EGFLAM: variants seen among roughly 807,000 people sequenced by gnomAD.
EGFLAM encodes EGF like, fibronectin type III and laminin G domains.
EGFLAM carries 79 observed loss-of-function variants against 113.1 expected under a neutral mutation model. The observed-to-expected ratio is 0.70, with a 90% CI of 0.58 to 0.84. EGFLAM has a LOEUF of 0.84. Among genes scored for constraint, EGFLAM ranks in the 40% least tolerant of loss-of-function variants. The pLI, the probability that EGFLAM is intolerant of heterozygous loss-of-function variation, is 0.00. For synonymous variants in EGFLAM, 504 were observed against 487.6 expected (o/e 1.03, Z -0.44); for missense variants, 1,265 against 1,291.6 (o/e 0.98, Z 0.32).
intron 1 of EGFLAM, among the ~76,000 whole-genome samples, chr5:38,331,586 G>A (rs1739043934): frequency 6.6e-6 from 1 of 152,022 alleles, no homozygotes; most frequent in Non-Finnish European, 1.5e-5. Context: ...ATGAGGCTGT[G>A]CTTACTGGTT....
intron 5 of EGFLAM, among the ~76,000 whole-genome samples, chr5:38,365,802 G>A (rs1740044191): frequency 6.6e-6 from 1 of 152,056 alleles, no homozygotes; most frequent in African/African-American, 2.4e-5. Context: ...ATGGAAAAAT[G>A]TTTACTTACT....
intron 12 of EGFLAM, among the ~76,000 whole-genome samples, chr5:38,424,368 A>G (rs551945136): frequency 6.6e-6 from 1 of 152,322 alleles, no homozygotes; most frequent in South Asian, 2.1e-4. Flanking sequence ...CTTTGGAAGT[A>G]GAAATAGGGA....
At chr5:38,342,679 C>A (rs1451057790) in intron 3 of EGFLAM, among the ~76,000 whole-genome samples, 2 of 152,056 alleles carry the variant, frequency 1.3e-5, no homozygotes, top group African/African-American at 4.8e-5. Flanking sequence ...CAAATCAGGG[C>A]AATTTGGTAA....
chr5:38,442,037 G>A (rs1017728605), intron 17 of EGFLAM, among the ~76,000 whole-genome samples: 4 of 152,094 alleles, frequency 2.6e-5, no homozygotes, highest in Non-Finnish European at 5.9e-5. Flanking sequence ...GATTAATACT[G>A]ACCTACCACA....
At chr5:38,375,620 G>A (rs1041446737) in intron 6 of EGFLAM, among the ~76,000 whole-genome samples, 1 of 152,142 alleles carries the variant, frequency 6.6e-6, no homozygotes, top group African/African-American at 2.4e-5. Context: ...CTTCCCACTG[G>A]GCCTATTAAT....
chr5:38,346,240 A>G (rs537200379), intron 3 of EGFLAM, among the ~76,000 whole-genome samples: 1 of 152,320 alleles, frequency 6.6e-6, no homozygotes, highest in Admixed American at 6.5e-5. Context: ...TAAATTTCTA[A>G]TACGTTAACT....
chr5:38,336,596 C>G (rs1739193318), intron 1 of EGFLAM, among the ~76,000 whole-genome samples: 1 of 151,478 alleles, frequency 6.6e-6, no homozygotes, highest in Admixed American at 6.6e-5. Flanking sequence ...CACACACACA[C>G]ACAGACACAC....
chr5:38,431,410 G>A, intron 15 of EGFLAM, 122 bp downstream of exon 15: 2 of 919,978 alleles, frequency 2.2e-6, no homozygotes, highest in Non-Finnish European at 3.3e-6. Context: ...TGCCTGTGTG[G>A]AAATCCCAGC....
At chr5:38,344,483 CAAAAA>C (rs10577346) in intron 3 of EGFLAM, among the ~76,000 whole-genome samples, 7 of 139,066 alleles carry the variant, frequency 5.0e-5, no homozygotes, top group Non-Finnish European at 7.8e-5. Flanking sequence ...AACTCTGTTT[CAAAAA>C]AAAAAAAAAA....
At chr5:38,291,958 C>T (rs1237968546) in intron 1 of EGFLAM, among the ~76,000 whole-genome samples, 1 of 152,152 alleles carries the variant, frequency 6.6e-6, no homozygotes, top group Non-Finnish European at 1.5e-5. Flanking sequence ...AATCAATGGC[C>T]CCAGCCTCGT....
chr5:38,304,046 T>C (rs1318144612), intron 1 of EGFLAM, among the ~76,000 whole-genome samples: 1 of 151,740 alleles, frequency 6.6e-6, no homozygotes, highest in Admixed American at 6.6e-5. Context: ...GGAGAATCGC[T>C]TGAACCTGGG....
rs372993501 is a variant in EGFLAM at position 38,405,841 on chromosome 5, T to C, written c.713-285T>C. ...ACCATATGAGTCCTCATTGATCCCG[T>C]CCTTAGTAATATTTTTATTATCTGA... On this transcript the variant is annotated intron_variant, in intron 6 of 21. Coordinates refer to ENST00000322350, the MANE Select transcript of EGFLAM (RefSeq NM_152403.4). Among the ~76,000 whole-genome samples the C allele has an allele frequency of 1.7e-3, 252 of 152,286 alleles. 1 individual carries two copies. The highest frequency in any genetic ancestry group is 2.4e-3 in the Non-Finnish European group (162 of 68,010).
intron 6 of EGFLAM, among the ~76,000 whole-genome samples, chr5:38,377,674 G>T (rs997035103): frequency 6.6e-6 from 1 of 152,136 alleles, no homozygotes; most frequent in Non-Finnish European, 1.5e-5. Flanking sequence ...AAGGTTCGCA[G>T]GCAAAAGTGA....
intron 19 of EGFLAM, among the ~76,000 whole-genome samples, chr5:38,457,029 T>C (rs1297481679): frequency 6.6e-6 from 1 of 152,220 alleles, no homozygotes; most frequent in Non-Finnish European, 1.5e-5. Context: ...TAACAACATG[T>C]TCATGTTTTC....
At position 38,407,002 on chromosome 5, in the gene EGFLAM, G is replaced by A. The variant is rs761321149; in HGVS notation, c.1003G>A (p.Gly335Ser). The stretch of plus-strand genomic sequence containing the variant: ...TCCCATACAGAGAAAGGGGAAGAAT[G>A]GTGTGGCCATAATGTCAAGGCTCTT... ...PIPIQRKGKN[G>S]VAIMSRLFDM... is the part of the protein sequence containing the mutation. The change falls in exon 8 of 22, where the codon GGT (glycine) becomes AGT (serine). Residue 335 changes from glycine (G) to serine (S), a missense_variant. Coordinates refer to ENST00000322350, the MANE Select transcript of EGFLAM (RefSeq NM_152403.4). 3.1e-6 allele frequency: 5 copies of A among 1,614,214 alleles called. No individual in the cohort carries two copies. The South Asian group carries it at 4.4e-5, about 14-fold the overall frequency.
At chr5:38,385,033 G>A (rs1740620113) in intron 6 of EGFLAM, among the ~76,000 whole-genome samples, 1 of 152,094 alleles carries the variant, frequency 6.6e-6, no homozygotes, top group Admixed American at 6.5e-5. Flanking sequence ...AATGTCAATA[G>A]TACTGAAGTT....
intron 17 of EGFLAM, chr5:38,445,772 G>A (rs1278075346): frequency 3.9e-6 from 6 of 1,519,906 alleles, no homozygotes; most frequent in Non-Finnish European, 5.4e-6. Context: ...CGCATGCAGG[G>A]GGACCCGGGG....
At chr5:38,356,895 A>G (rs1346338409) in intron 5 of EGFLAM, among the ~76,000 whole-genome samples, 1 of 152,164 alleles carries the variant, frequency 6.6e-6, no homozygotes, top group Non-Finnish European at 1.5e-5. Context: ...CACAAAACTC[A>G]TACGTTAAAT....
Position 38,394,457 on chromosome 5 carries a change from T to C in EGFLAM, c.713-11669T>C, listed in dbSNP as rs570334258. Among the ~76,000 whole-genome samples, 28 of 152,090 alleles carry C rather than the reference T, an allele frequency of 1.8e-4. No individual in the cohort carries two copies. The East Asian group carries it at 4.3e-3, about 23-fold the overall frequency. On this transcript the variant is annotated intron_variant, in intron 6 of 21. Coordinates refer to ENST00000322350, the MANE Select transcript of EGFLAM (RefSeq NM_152403.4). ...CGGAGTCCCGCTCTGTCTCCCAGGC[T>C]GGAGTGCAGTGGCACGATCTCGGCT... is the stretch of plus-strand genomic sequence containing the variant.
Sources: allele counts gnomAD v4.1 joint callset (sites outside exome capture counted in the v4.1 genomes callset), GRCh38; gene constraint gnomAD v4.1.1; transcripts MANE v1.5; gene names NCBI Gene and HGNC (gene_info 2026-07-23, HGNC 2026-07-21).